PIK3C2G: variants seen among roughly 807,000 people sequenced by gnomAD.
PIK3C2G encodes the protein phosphatidylinositol-4-phosphate 3-kinase catalytic subunit type 2 gamma.
Under a neutral mutation model 181.1 loss-of-function variants are expected in PIK3C2G, and 168 were observed. The ratio of observed to expected loss-of-function variants is 0.93; its 90% CI spans 0.82 to 1.05. The LOEUF (loss-of-function observed/expected upper bound fraction) is 1.05. PIK3C2G is among the 50% of genes least tolerant of loss of function. The pLI is 0.00. For synonymous variants in PIK3C2G, 573 were observed against 592.2 expected (o/e 0.97, Z 0.47); for missense variants, 1,869 against 1,732.8 (o/e 1.08, Z -1.40).
chr12:18,659,680 TACTATTA>T, the PIK3C2G span, among the ~76,000 whole-genome samples: 3 of 148,412 alleles, frequency 2.0e-5, no homozygotes, highest in African/African-American at 7.5e-5. Context: ...TTTTTTTTTT[TACTATTA>T]TTATACTTTA....
chr12:18,246,617 T>C (rs559929937), upstream of PIK3C2G, among the ~76,000 whole-genome samples: 1 of 152,306 alleles, frequency 6.6e-6, no homozygotes, highest in Admixed American at 6.5e-5. Context: ...AGATGTATTT[T>C]CATTCACCCA....
chr12:18,408,255 G>T (rs2135603060), intron 16 of PIK3C2G, among the ~76,000 whole-genome samples: 1 of 152,246 alleles, frequency 6.6e-6, no homozygotes, highest in East Asian at 1.9e-4. Flanking sequence ...GTGTAAAGAA[G>T]GGATCCAGTT....
chr12:18,274,547 G>A (rs990611597), intron 1 of PIK3C2G, among the ~76,000 whole-genome samples: 9 of 151,978 alleles, frequency 5.9e-5, no homozygotes, highest in East Asian at 1.9e-4. Flanking sequence ...GCAAACTATC[G>A]CAAGGACAAA....
chr12:18,605,481 G>T (rs995704198), intron 30 of PIK3C2G, among the ~76,000 whole-genome samples: 1 of 152,046 alleles, frequency 6.6e-6, no homozygotes, highest in African/African-American at 2.4e-5. Flanking sequence ...CAATCCTTTT[G>T]ACACTATTCC....
At position 18,399,850 on chromosome 12, in the gene PIK3C2G, A is replaced by T. The variant is rs1346264324; in HGVS notation, c.2315+3A>T. On this transcript the variant is annotated splice_donor_region_variant and intron_variant, in intron 16 of 32. Transcript: ENST00000538779. ...GCTCTTGGGCTTTTGACTTCCAGGT[A>T]AGAATTGCATAACAAGCATGATATT... 1 of 1,559,438 alleles carries T rather than the reference A, an allele frequency of 6.4e-7. No individual in the cohort carries two copies. The highest frequency in any genetic ancestry group is 8.8e-7 in the Non-Finnish European group (1 of 1,142,096).
intron 18 of PIK3C2G, among the ~76,000 whole-genome samples, chr12:18,465,841 T>C (rs1030756631): frequency 6.6e-6 from 1 of 151,768 alleles, no homozygotes; most frequent in Non-Finnish European, 1.5e-5. Flanking sequence ...ATTTCTCAAC[T>C]TTTATTGCTT....
At chr12:18,677,141 T>C in the PIK3C2G span, among the ~76,000 whole-genome samples, 9 of 152,060 alleles carry the variant, frequency 5.9e-5, no homozygotes, top group Non-Finnish European at 8.8e-5. Flanking sequence ...TATCAGGGCT[T>C]TGGCTGAACA....
intron 17 of PIK3C2G, among the ~76,000 whole-genome samples, chr12:18,421,314 G>A (rs1034385212): frequency 6.6e-6 from 1 of 152,086 alleles, no homozygotes; most frequent in Middle Eastern, 3.4e-3. Flanking sequence ...TTATAAATAT[G>A]TATATATAAA....
chr12:18,509,524 T>C (rs1942076089), intron 24 of PIK3C2G, among the ~76,000 whole-genome samples: 2 of 152,188 alleles, frequency 1.3e-5, no homozygotes, highest in African/African-American at 4.8e-5. Flanking sequence ...TTACTCTCTT[T>C]AGGATATGTT....
intron 20 of PIK3C2G, chr12:18,493,840 T>C (rs1940788296): frequency 6.6e-6 from 1 of 152,172 alleles, no homozygotes; most frequent in African/African-American, 2.4e-5. Flanking sequence ...AGCTAAACTG[T>C]CTTTATAAGA....
intron 18 of PIK3C2G, among the ~76,000 whole-genome samples, chr12:18,442,315 A>G (rs1197075651): frequency 3.3e-5 from 5 of 152,164 alleles, no homozygotes; most frequent in African/African-American, 1.2e-4. Context: ...CACTGGACCA[A>G]TTTCACAAAC....
chr12:18,621,301 A>T (rs1268581414), intron 31 of PIK3C2G, among the ~76,000 whole-genome samples: 1 of 152,024 alleles, frequency 6.6e-6, no homozygotes, highest in Non-Finnish European at 1.5e-5. Flanking sequence ...ATTCTAAAAA[A>T]TAAGTGAAGT....
chr12:18,650,331 C>CTATATATA (rs371220581), downstream of PIK3C2G, among the ~76,000 whole-genome samples: 35 of 91,956 alleles, frequency 3.8e-4, no homozygotes, highest in Admixed American at 6.1e-4. Context: ...CTCTCTCTCT[C>CTATATATA]TATATATATA....
chr12:18,580,210 A>T (rs1428229252), intron 29 of PIK3C2G, among the ~76,000 whole-genome samples: 2 of 152,112 alleles, frequency 1.3e-5, no homozygotes, highest in African/African-American at 2.4e-5. Flanking sequence ...TACCTAAATA[A>T]ATGTGTACCC....
intron 13 of PIK3C2G, among the ~76,000 whole-genome samples, chr12:18,376,039 A>T (rs1367091832): frequency 6.6e-6 from 1 of 152,244 alleles, no homozygotes; most frequent in Non-Finnish European, 1.5e-5. Flanking sequence ...ACAGGGGCAG[A>T]TCCCTCACAG....
intron 31 of PIK3C2G, among the ~76,000 whole-genome samples, chr12:18,612,659 ATATTT>A (rs1257911362): frequency 6.6e-6 from 1 of 152,084 alleles, no homozygotes; most frequent in Non-Finnish European, 1.5e-5. Flanking sequence ...AATTCTCAAC[ATATTT>A]TATTTGCTAA....
chr12:18,507,979 C>T (rs781400210), intron 24 of PIK3C2G, among the ~76,000 whole-genome samples: 1 of 152,108 alleles, frequency 6.6e-6, no homozygotes, highest in East Asian at 1.9e-4. Context: ...TATCATAGGT[C>T]AATTAAAAAT....
intron 18 of PIK3C2G, among the ~76,000 whole-genome samples, chr12:18,450,448 A>G (rs1287308158): frequency 6.6e-6 from 1 of 152,106 alleles, no homozygotes; most frequent in Non-Finnish European, 1.5e-5. Flanking sequence ...TTTCTTGTAA[A>G]TTTGTTTAAG....
the PIK3C2G span, among the ~76,000 whole-genome samples, chr12:18,704,135 C>T: frequency 2.0e-5 from 3 of 151,792 alleles, no homozygotes; most frequent in Non-Finnish European, 2.9e-5. Flanking sequence ...AAGTGGAGGT[C>T]GACAGTATTG....
Sources: gnomAD v4.1 joint callset for allele counts (sites outside exome capture counted in the v4.1 genomes callset) on GRCh38, gnomAD v4.1.1 for gene constraint, MANE v1.5 for transcripts, NCBI Gene and HGNC (gene_info 2026-07-23, HGNC 2026-07-21) for gene names.